Variants in PCDH9 observed in about 807,000 individuals in gnomAD.
PCDH9 encodes protocadherin-9.
PCDH9 carries 24 observed loss-of-function variants against 70.6 expected under a neutral mutation model. The ratio of observed to expected loss-of-function variants is 0.34; its 90% CI spans 0.25 to 0.48. The LOEUF (loss-of-function observed/expected upper bound fraction) is 0.48. Among genes scored for constraint, PCDH9 ranks in the 20% least tolerant of loss-of-function variants. The pLI, the probability that PCDH9 is intolerant of heterozygous loss-of-function variation, is 0.99. For synonymous variants in PCDH9, 562 were observed against 558.5 expected (o/e 1.01, Z -0.09); for missense variants, 1,281 against 1,503.6 (o/e 0.85, Z 2.45).
chr13:66,848,873 A>C (rs781359893), intron 3 of PCDH9, among the ~76,000 whole-genome samples: 5 of 144,852 alleles, frequency 3.5e-5, no homozygotes, highest in African/African-American at 1.0e-4. Context: ...GCTTGCAGTG[A>C]GCCGAGATCG....
At chr13:66,555,604 G>A (rs1961698337) in intron 4 of PCDH9, among the ~76,000 whole-genome samples, 1 of 150,128 alleles carries the variant, frequency 6.7e-6, no homozygotes, top group Non-Finnish European at 1.5e-5. Flanking sequence ...ACACATCAAC[G>A]GTCTCCATTA....
At chr13:67,141,944 C>T (rs1004194086) in intron 2 of PCDH9, among the ~76,000 whole-genome samples, 6 of 151,846 alleles carry the variant, frequency 4.0e-5, no homozygotes, top group African/African-American at 9.7e-5. Context: ...CGGTAAGAGT[C>T]GCTTCTACAC....
chr13:66,640,753 G>A (rs1217877655), intron 3 of PCDH9, among the ~76,000 whole-genome samples: 1 of 152,174 alleles, frequency 6.6e-6, no homozygotes, highest in East Asian at 1.9e-4. Flanking sequence ...TACGATTACT[G>A]TACAATAAGG....
intron 3 of PCDH9, among the ~76,000 whole-genome samples, chr13:66,663,437 T>C (rs559804504): frequency 6.6e-6 from 1 of 152,310 alleles, no homozygotes; most frequent in East Asian, 1.9e-4. Flanking sequence ...TAGACATATA[T>C]TATCTTTGGA....
chr13:66,938,906 A>G (rs938481842), intron 2 of PCDH9, among the ~76,000 whole-genome samples: 1 of 152,194 alleles, frequency 6.6e-6, no homozygotes, highest in Admixed American at 6.5e-5. Flanking sequence ...ATAGAATTAT[A>G]AAAATTGCAT....
rs550360027 is a variant in PCDH9 at position 67,217,321 on chromosome 13, A to T, written c.3036+8084T>A. The T allele has an allele frequency of 5.9e-5, 9 of 151,800 alleles. No homozygotes were observed. In the South Asian group the frequency reaches 1.9e-3, roughly 32 times the overall value. 9.4% of individuals were successfully genotyped at this position (151,800 alleles called of 1,614,324 possible). ...AATTGCAGTTGCTATTGTCTTGCAC[A>T]AAAACTGTTTTCTTTTCTAAATCAA... On this transcript the variant is annotated intron_variant, in intron 2 of 4. Coordinates refer to ENST00000377865, the MANE Select transcript of PCDH9 (RefSeq NM_203487.3).
intron 2 of PCDH9, chr13:67,222,403 T>C (rs1047360147): frequency 6.6e-6 from 1 of 151,970 alleles, no homozygotes; most frequent in South Asian, 2.1e-4. Flanking sequence ...ATAGAGTGAA[T>C]GAGGAATATG....
At chr13:66,863,391 C>A (rs906081099) in intron 3 of PCDH9, among the ~76,000 whole-genome samples, 1 of 152,136 alleles carries the variant, frequency 6.6e-6, no homozygotes, top group Non-Finnish European at 1.5e-5. Context: ...AAACAAATCC[C>A]AGAAAATCGA....
chr13:66,784,065 T>A (rs956845737), intron 3 of PCDH9, among the ~76,000 whole-genome samples: 8 of 152,162 alleles, frequency 5.3e-5, no homozygotes, highest in African/African-American at 1.9e-4. Flanking sequence ...AATAGCCATA[T>A]AAAAATTATT....
At chr13:66,860,618 TG>T (rs1566247261) in intron 3 of PCDH9, among the ~76,000 whole-genome samples, 1 of 152,212 alleles carries the variant, frequency 6.6e-6, no homozygotes, top group African/African-American at 2.4e-5. Flanking sequence ...GATATCAGCA[TG>T]CAAGAAGTGC....
chr13:67,008,183 T>C (rs551520290), intron 2 of PCDH9, among the ~76,000 whole-genome samples: 1 of 152,292 alleles, frequency 6.6e-6, no homozygotes, highest in Admixed American at 6.5e-5. Context: ...AAATCCTTTG[T>C]TATTGTTTAC....
chr13:67,095,349 A>C (rs1193781237), intron 2 of PCDH9, among the ~76,000 whole-genome samples: 1 of 152,196 alleles, frequency 6.6e-6, no homozygotes, highest in Non-Finnish European at 1.5e-5. Flanking sequence ...AAGTCATAGA[A>C]TATCTAAAAA....
intron 3 of PCDH9, among the ~76,000 whole-genome samples, chr13:66,866,348 G>A (rs1414087546): frequency 6.6e-6 from 1 of 152,120 alleles, no homozygotes; most frequent in Non-Finnish European, 1.5e-5. Context: ...TGGGCATGGT[G>A]GCGGGCGCCT....
chr13:67,037,088 G>A (rs186802929), intron 2 of PCDH9, among the ~76,000 whole-genome samples: 6 of 152,256 alleles, frequency 3.9e-5, no homozygotes, highest in Admixed American at 3.9e-4. Context: ...GCTTTAGAGT[G>A]CCCCTCAATC....
chr13:66,446,970 C>T (rs555532205), intron 4 of PCDH9, among the ~76,000 whole-genome samples: 2 of 152,052 alleles, frequency 1.3e-5, no homozygotes, highest in African/African-American at 4.8e-5. Flanking sequence ...AAAATGATAA[C>T]TTTAACATTT....
rs1009105943 is a variant in PCDH9, at chr13:67,222,584, A to G, written c.3036+2821T>C. On this transcript the variant is annotated intron_variant, in intron 2 of 4. Coordinates refer to ENST00000377865, the MANE Select transcript of PCDH9 (RefSeq NM_203487.3). ...TAAATGAGTGAAATTTAAGTTTGGTAAGCTTTTAACCAAGAATCTTGCATT... is the reference window on the plus strand; with the variant it reads ...TAAATGAGTGAAATTTAAGTTTGGTGAGCTTTTAACCAAGAATCTTGCATT... The G allele has an allele frequency of 3.3e-5, 5 of 152,154 alleles. No homozygotes were observed. The East Asian group carries it at 9.6e-4, about 29-fold the overall frequency. The allele number at this position is 152,154 out of a possible 1,614,324, so 9.4% of individuals were successfully genotyped here.
chr13:66,407,509 T>A (rs1238479300), intron 4 of PCDH9, among the ~76,000 whole-genome samples: 1 of 152,188 alleles, frequency 6.6e-6, no homozygotes, highest in Non-Finnish European at 1.5e-5. Context: ...AGGGGGGTGT[T>A]GTTTTTTAAT....
intron 3 of PCDH9, among the ~76,000 whole-genome samples, chr13:66,803,745 G>A (rs1041227744): frequency 3.3e-5 from 5 of 152,110 alleles, no homozygotes; most frequent in Admixed American, 1.3e-4. Context: ...GGTGGATAAC[G>A]TTACAGAAAA....
chr13:66,816,936 C>T (rs2080616748), intron 3 of PCDH9, among the ~76,000 whole-genome samples: 1 of 150,344 alleles, frequency 6.7e-6, no homozygotes, highest in African/African-American at 2.4e-5. Context: ...AGTCAGCCCT[C>T]CTTATCCACC....
Sources: gnomAD v4.1 joint callset for allele counts (sites outside exome capture counted in the v4.1 genomes callset) on GRCh38, gnomAD v4.1.1 for gene constraint, MANE v1.5 for transcripts, NCBI Gene and HGNC (gene_info 2026-07-23, HGNC 2026-07-21) for gene names.